SLC38A2: variants seen among roughly 807,000 people sequenced by gnomAD.
SLC38A2 encodes solute carrier family 38 member 2, also known as sodium-coupled neutral amino acid symporter 2.
Under a neutral mutation model 61.5 loss-of-function variants are expected in SLC38A2, and 11 were observed. That is an observed-to-expected ratio of 0.18 (90% CI 0.11 to 0.30). The LOEUF is 0.30. Ranked by LOEUF, SLC38A2 falls within the 10% of genes least tolerant of loss-of-function variation. SLC38A2 has a pLI of 1.00. For missense variants in SLC38A2, 522 were observed against 600.4 expected, an observed-to-expected ratio of 0.87 and a Z score of 1.36; for synonymous variants, 217 against 212.5, an observed-to-expected ratio of 1.02 and a Z score of -0.18.
At chr12:46,363,445 G>A (rs1259734370) in intron 12 of SLC38A2, among the ~76,000 whole-genome samples, 5 of 151,994 alleles carry the variant, frequency 3.3e-5, no homozygotes, top group African/African-American at 1.2e-4. Context: ...TGAAGGTGAT[G>A]GGAGAGGAGA....
chr12:46,370,295 G>A (rs905854163), intron 4 of SLC38A2, among the ~76,000 whole-genome samples: 1 of 152,156 alleles, frequency 6.6e-6, no homozygotes, highest in Admixed American at 6.5e-5. Context: ...TAATTTGTCA[G>A]TTTTAAGGAC....
intron 4 of SLC38A2, among the ~76,000 whole-genome samples, chr12:46,368,127 GA>G (rs1420854666): frequency 6.6e-6 from 1 of 151,984 alleles, no homozygotes; most frequent in African/African-American, 2.4e-5. Context: ...AAAAAAGAAA[GA>G]AAAGGAAAAG....
At position 46,363,991 on chromosome 12, in the gene SLC38A2, C is replaced by T. The variant is rs1943111536; in HGVS notation, c.886G>A (p.Val296Met). 6.2e-7 allele frequency: 1 copy of T among 1,607,178 alleles called. No homozygotes were observed. Among genetic ancestry groups the T allele is most frequent in the Non-Finnish European group, 8.5e-7 (1 of 1,177,444 alleles). ...ACAAATGAAAAGATCAGAATTGGCA[C>T]AGCATAGACAGTCTGAAAGAAAACG... ...FIFNSQTVYA[V>M]PILIFSFVCH... is the part of the protein sequence containing the mutation. Residue 296 changes from valine to methionine, a missense_variant, in exon 11 of 16, where the codon GTG becomes ATG. Val to Met is a conservative substitution (Grantham distance 21). Transcript: ENST00000256689.
Position 46,372,605 on chromosome 12 carries a change from C to A in SLC38A2, c.-183G>T. On this transcript the variant is annotated 5_prime_UTR_variant, in exon 1 of 16. Coordinates refer to ENST00000256689, the MANE Select transcript of SLC38A2 (RefSeq NM_018976.5). ...AAACAAAAAATTTCCCCAAATCCAA[C>A]AACAGGCAGGAAAAATAATTTTAAT... 1 of 398,394 alleles carries A rather than the reference C, an allele frequency of 2.5e-6. No individual in the cohort carries two copies. Among genetic ancestry groups the A allele is most frequent in the Non-Finnish European group, 4.4e-6 (1 of 225,874 alleles). 24.7% of individuals were successfully genotyped at this position (398,394 alleles called of 1,614,324 possible). A position where few individuals can be genotyped will look rare whatever the true frequency, so the allele number is the denominator to read the frequency against.
intron 11 of SLC38A2, 42 bp downstream of exon 11, chr12:46,363,882 G>A: frequency 1.9e-6 from 3 of 1,594,352 alleles, no homozygotes; most frequent in Non-Finnish European, 2.6e-6. Flanking sequence ...TACAGCAATT[G>A]TCTAATATTT....
At position 46,371,369 on chromosome 12, in the gene SLC38A2, C is replaced by G. The variant is rs1943196757; in HGVS notation, c.-76G>C. 5.8e-6 allele frequency: 7 copies of G among 1,203,400 alleles called. No individual in the cohort carries two copies. The highest frequency in any genetic ancestry group is 7.3e-6 in the Non-Finnish European group (6 of 822,974). 74.5% of individuals were successfully genotyped at this position (1,203,400 alleles called of 1,614,324 possible). A position where few individuals can be genotyped will look rare whatever the true frequency, so the allele number is the denominator to read the frequency against. On this transcript the variant is annotated 5_prime_UTR_variant, in exon 2 of 16. Coordinates refer to ENST00000256689, the MANE Select transcript of SLC38A2 (RefSeq NM_018976.5). ...GTCCTTGGCGGTGGGTGCAGCGGCC[C>G]GCGAGTCGGCCTGCGAAAGTAGAGG...
chr12:46,363,843 A>C lies in SLC38A2; in HGVS notation c.954-17T>G. 6.3e-7 allele frequency: 1 copy of C among 1,585,866 alleles called. No individual in the cohort carries two copies. Among genetic ancestry groups the C allele is most frequent in the Admixed American group, 1.9e-5 (1 of 52,488 alleles). On this transcript the variant is annotated splice_polypyrimidine_tract_variant and intron_variant, in intron 11 of 15. Coordinates refer to ENST00000256689, the MANE Select transcript of SLC38A2 (RefSeq NM_018976.5). ...CGGCTGCGGCTATGTAATTCAAGAGAAAATTCAAATATATATTTCAGCAGC... is the reference window on the plus strand; with the variant it reads ...CGGCTGCGGCTATGTAATTCAAGAGCAAATTCAAATATATATTTCAGCAGC...
At chr12:46,371,546 G>T (rs568035280) in intron 1 of SLC38A2, 167 bp from the exon 2 acceptor site, 13 of 470,006 alleles carry the variant, frequency 2.8e-5, no homozygotes, top group Middle Eastern at 5.7e-4. Flanking sequence ...AAGTACAGAC[G>T]GCGGAGCCGC....
intron 8 of SLC38A2, 152 bp downstream of exon 8, chr12:46,364,955 T>C (rs1943124219): frequency 1.3e-6 from 1 of 760,110 alleles, no homozygotes. Context: ...CAATTAAATA[T>C]TTTGGCTCCT....
At position 46,361,208 on chromosome 12, in the gene SLC38A2, G is replaced by A; in HGVS notation, c.1424C>T (p.Ala475Val). The change falls in exon 16 of 16, where the codon GCT becomes GTT. Residue 475 changes from alanine to valine, a missense_variant and splice_region_variant. Transcript: ENST00000256689. ...TACACCACTTAACAGGAAGAACAAA[G>A]CCTGCAAAGAGCATAGAGAAAATTG... ...EPMKSVQKIG[A>V]LFFLLSGVLV... 1 of 1,612,518 alleles carries A rather than the reference G, an allele frequency of 6.2e-7. No homozygotes were observed. The highest frequency in any genetic ancestry group is 8.5e-7 in the Non-Finnish European group (1 of 1,179,072).
At position 46,370,763 on chromosome 12, in the gene SLC38A2, AT is replaced by A. The variant is rs1392618881; in HGVS notation, c.198+12del. On this transcript the variant is annotated intron_variant, in intron 3 of 15. Coordinates refer to ENST00000256689, the MANE Select transcript of SLC38A2 (RefSeq NM_018976.5). ...TAAAGCCACTGACAGACAAATTACT[AT>A]TTTTAACTTACAAATTCTGTTTCAT... The A allele has an allele frequency of 6.2e-7, 1 of 1,601,942 alleles. No homozygotes were observed. The highest frequency in any genetic ancestry group is 8.5e-7 in the Non-Finnish European group (1 of 1,171,294).
In SLC38A2 at chr12:46,359,047, T is replaced by C. The variant is rs535086587; in HGVS notation, c.*2064A>G. Reference sequence around the variant, plus strand: ...TAATTTGCTGTAGAGAAAAGAATTTTTTTTCCATTCCTTCCTGGTTGCCAC... The same window carrying C: ...TAATTTGCTGTAGAGAAAAGAATTTCTTTTCCATTCCTTCCTGGTTGCCAC... On this transcript the variant is annotated 3_prime_UTR_variant, in exon 16 of 16. Transcript: ENST00000256689. 1 of 151,974 alleles carries C rather than the reference T, an allele frequency of 6.6e-6. No individual in the cohort carries two copies. Among genetic ancestry groups the C allele is most frequent in the Admixed American group, 6.6e-5 (1 of 15,234 alleles). 9.4% of individuals were successfully genotyped at this position (151,974 alleles called of 1,614,324 possible).
In SLC38A2 at chr12:46,365,205, A is replaced by G; in HGVS notation, c.564-16T>C. ...ATACCACAATCTAAAGAAAACAGAA[A>G]CAAGGTCAAAACAGTCACAAATATC... On this transcript the variant is annotated splice_polypyrimidine_tract_variant and intron_variant, in intron 7 of 15. Transcript: ENST00000256689. 6.2e-7 allele frequency: 1 copy of G among 1,602,768 alleles called. No individual in the cohort carries two copies. The highest frequency in any genetic ancestry group is 8.5e-7 in the Non-Finnish European group (1 of 1,169,862).
rs1943120970 is a variant in SLC38A2 at position 46,364,693 on chromosome 12, C to A, written c.656G>T (p.Gly219Val). The change falls in exon 9 of 16, where the codon GGA (glycine) becomes GTA (valine). Residue 219 changes from glycine (G) to valine (V), a missense_variant. Gly to Val is a moderately radical substitution (Grantham distance 109, BLOSUM62 -3). Coordinates refer to ENST00000256689, the MANE Select transcript of SLC38A2 (RefSeq NM_018976.5). ...CAACAAGGAAAGGCCACTGGTATATCCCAAATATCCTATAAGGAGGGGTGG... is the reference window on the plus strand; with the variant it reads ...CAACAAGGAAAGGCCACTGGTATATACCAAATATCCTATAAGGAGGGGTGG... ...LSLFRNLGYL[G>V]YTSGLSLLCM... The A allele has an allele frequency of 6.2e-7, 1 of 1,609,396 alleles. No individual in the cohort carries two copies. Among genetic ancestry groups the A allele is most frequent in the Non-Finnish European group, 8.5e-7 (1 of 1,177,956 alleles).
Position 46,371,215 on chromosome 12 carries a change from T to C in SLC38A2, c.79A>G (p.Asn27Asp). Residue 27 changes from asparagine (N) to aspartate (D), a missense_variant, in exon 2 of 16, where the codon AAC becomes GAC. Asn to Asp is a conservative substitution (Grantham distance 23). This residue lies in a region of SLC38A2 where 102 missense variants were observed against 83.1 expected (regional missense o/e 1.23). Transcript: ENST00000256689. ...GCTTGCTTGGTGGGGTAGGAGTAGT[T>C]GAAGTCGCTGTTGGAACTGTAGCTG... is the stretch of plus-strand genomic sequence containing the variant. ...SSSYSSNSDF[N>D]YSYPTKQAAL... The C allele has an allele frequency of 6.2e-7, 1 of 1,614,252 alleles. No individual in the cohort carries two copies. The highest frequency in any genetic ancestry group is 8.5e-7 in the Non-Finnish European group (1 of 1,180,046).
chr12:46,371,668 A>AG (rs565269629), intron 1 of SLC38A2: 105 of 230,676 alleles, frequency 4.6e-4, no homozygotes, highest in South Asian at 1.6e-3. Flanking sequence ...GGAGGGGGCG[A>AG]GGGGGGGTTC....
At position 46,371,343 on chromosome 12, in the gene SLC38A2, T is replaced by C. The variant is rs756202312; in HGVS notation, c.-50A>G. On this transcript the variant is annotated 5_prime_UTR_variant, in exon 2 of 16. Coordinates refer to ENST00000256689, the MANE Select transcript of SLC38A2 (RefSeq NM_018976.5). Reference sequence around the variant, plus strand: ...GCAGCTAGTAGCGCTGGGCTCCTTTTGTCCTTGGCGGTGGGTGCAGCGGCC... The same window carrying C: ...GCAGCTAGTAGCGCTGGGCTCCTTTCGTCCTTGGCGGTGGGTGCAGCGGCC... 2.7e-6 allele frequency: 4 copies of C among 1,498,870 alleles called. No individual in the cohort carries two copies. The highest frequency in any genetic ancestry group is 2.3e-5 in the South Asian group (2 of 88,672). The allele number at this position is 1,498,870 out of a possible 1,614,324, so 92.8% of individuals were successfully genotyped here.
Position 46,360,377 on chromosome 12 carries a change from C to T in SLC38A2, c.*734G>A, listed in dbSNP as rs1943067979. On this transcript the variant is annotated 3_prime_UTR_variant, in exon 16 of 16. Coordinates refer to ENST00000256689, the MANE Select transcript of SLC38A2 (RefSeq NM_018976.5). ...ACAGAGTTCATCTGATTTGGTATAG[C>T]AATAATCAATCATCTTTTAAGTAAT... is the stretch of plus-strand genomic sequence containing the variant. The T allele has an allele frequency of 6.6e-6, 1 of 152,090 alleles. No individual in the cohort carries two copies. The highest frequency in any genetic ancestry group is 1.5e-5 in the Non-Finnish European group (1 of 67,992). The allele number at this position is 152,090 out of a possible 1,614,324, so 9.4% of individuals were successfully genotyped here.
intron 4 of SLC38A2, among the ~76,000 whole-genome samples, chr12:46,368,316 C>T (rs1943160298): frequency 6.6e-6 from 1 of 152,150 alleles, no homozygotes; most frequent in Non-Finnish European, 1.5e-5. Context: ...TGTGCTAGAA[C>T]AAGTAGGCTA....
Sources: gnomAD v4.1 joint callset for allele counts (sites outside exome capture counted in the v4.1 genomes callset) on GRCh38, gnomAD v4.1.1 for gene constraint, gnomAD v4.1.1 regional missense constraint, MANE v1.5 for transcripts, NCBI Gene and HGNC (gene_info 2026-07-23, HGNC 2026-07-21) for gene names.